Variants in VIRMA observed in about 807,000 individuals in gnomAD.
The protein encoded by VIRMA is protein virilizer homolog.
Under a neutral mutation model 182.4 loss-of-function variants are expected in VIRMA, and 65 were observed. That is an observed-to-expected ratio of 0.36 (90% confidence interval 0.29 to 0.44). The LOEUF (loss-of-function observed/expected upper bound fraction) is 0.44, where lower values mean the gene tolerates loss of function less well. Ranked by LOEUF, VIRMA falls within the 20% of genes least tolerant of loss-of-function variation. The probability of loss-of-function intolerance (pLI) is 1.00; values close to 1 mark genes in which losing one functional copy is unlikely to be tolerated. For missense variants in VIRMA, 1,752 were observed against 2,158.1 expected, an observed-to-expected ratio of 0.81 and a Z score of 3.73; for synonymous variants, 709 against 743.1, an observed-to-expected ratio of 0.95 and a Z score of 0.75.
chr8:94,513,060 G>C (rs1390210427), intron 11 of VIRMA, among the ~76,000 whole-genome samples: 2 of 152,218 alleles, frequency 1.3e-5, no homozygotes, highest in African/African-American at 4.8e-5. Context: ...ACTTGGGGCT[G>C]GGTGTGGTGG....
intron 1 of VIRMA, among the ~76,000 whole-genome samples, chr8:94,547,691 A>C (rs1815819579): frequency 6.6e-6 from 1 of 151,008 alleles, no homozygotes; most frequent in Non-Finnish European, 1.5e-5. Flanking sequence ...AATGTGTAAA[A>C]CAATTTAGCT....
In VIRMA at chr8:94,551,345, A is replaced by T. The variant is rs79883683; in HGVS notation, c.63+2040T>A. Among the ~76,000 whole-genome samples the T allele has an allele frequency of 6.6e-3, 1,002 of 152,346 alleles. 7 individuals carry two copies. The highest frequency in any genetic ancestry group is 0.023 in the African/African-American group (946 of 41,564). On this transcript the variant is annotated intron_variant, in intron 1 of 23. Coordinates refer to ENST00000297591, the MANE Select transcript of VIRMA (RefSeq NM_015496.5). ...CGTCAGATACTGATGGGCATTTTGTAAACTAAGATGATAAACCCCAACGAA... is the reference window on the plus strand; with the variant it reads ...CGTCAGATACTGATGGGCATTTTGTTAACTAAGATGATAAACCCCAACGAA...
In VIRMA at chr8:94,495,905, A is replaced by C. The variant is rs781483224; in HGVS notation, c.4384-14T>G. 1 of 1,608,502 alleles carries C rather than the reference A, an allele frequency of 6.2e-7. No individual in the cohort carries two copies. The highest frequency in any genetic ancestry group is 8.5e-7 in the Non-Finnish European group (1 of 1,177,868). On this transcript the variant is annotated splice_polypyrimidine_tract_variant and intron_variant, in intron 18 of 23. Transcript: ENST00000297591. ...TTTTGAATGTTCCTAGATACAAATA[A>C]AGGCAGAATAAGAAGGTGCAGGTAA...
intron 20 of VIRMA, among the ~76,000 whole-genome samples, chr8:94,494,405 C>A (rs1011753741): frequency 2.0e-4 from 30 of 151,856 alleles, no homozygotes; most frequent in African/African-American, 7.2e-4. Flanking sequence ...GCCTGACCAA[C>A]ATGGTAAAAC....
chr8:94,524,013 T>C (rs1450911219), intron 8 of VIRMA, among the ~76,000 whole-genome samples: 1 of 126,984 alleles, frequency 7.9e-6, no homozygotes, highest in Non-Finnish European at 1.7e-5. Context: ...TTATTTATTT[T>C]TTTGAGACGG....
chr8:94,494,895 A>G lies in VIRMA; in HGVS notation c.4606T>C (p.Phe1536Leu), dbSNP rs1277586035. 1.9e-5 allele frequency: 31 copies of G among 1,609,414 alleles called. No homozygotes were observed. The highest frequency in any genetic ancestry group is 2.6e-5 in the Non-Finnish European group (31 of 1,175,982). ...DQLKSMWFTP[F>L]QAEEIDTDLD... ...TCTGTATCTATCTCTTCAGCCTGAA[A>G]TGGAGTGAACCACATAGATTTCAAC... is the stretch of plus-strand genomic sequence containing the variant. The change falls in exon 20 of 24, where the codon TTT becomes CTT. Residue 1536 changes from phenylalanine to leucine, a missense_variant. Transcript: ENST00000297591.
Position 94,514,870 on chromosome 8 carries a change from T to G in VIRMA, c.2750A>C (p.Gln917Pro). 6.4e-7 allele frequency: 1 copy of G among 1,553,372 alleles called. No individual in the cohort carries two copies. The highest frequency in any genetic ancestry group is 8.8e-7 in the Non-Finnish European group (1 of 1,133,628). Residue 917 changes from glutamine to proline, a missense_variant and splice_region_variant, in exon 11 of 24, where the codon CAG (glutamine) becomes CCG (proline). By Grantham distance (76) the Gln-to-Pro change is moderately conservative (BLOSUM62 -1). This residue lies in a region of VIRMA where 777 missense variants were observed against 920.6 expected (regional missense o/e 0.84). Transcript: ENST00000297591. ...CIPNLIEYVK[Q>P]NIDNLMTPEG... Reference sequence around the variant, plus strand: ...AGCACTTTTAAGTTTTACACTTACCTGCTTAACATACTCAATTAAGTTTGG... The same window carrying G: ...AGCACTTTTAAGTTTTACACTTACCGGCTTAACATACTCAATTAAGTTTGG...
In VIRMA at chr8:94,499,356, A is replaced by T; in HGVS notation, c.4230+18T>A. On this transcript the variant is annotated intron_variant, in intron 17 of 23. Transcript: ENST00000297591. ...CATACATACATATATACACAAACAC[A>T]AACACACACATACTTACAATTGTGT... is the stretch of plus-strand genomic sequence containing the variant. The T allele has an allele frequency of 1.3e-6, 2 of 1,516,452 alleles. No individual in the cohort carries two copies. Among genetic ancestry groups the T allele is most frequent in the Non-Finnish European group, 1.8e-6 (2 of 1,125,646 alleles). 93.9% of individuals were successfully genotyped at this position (1,516,452 alleles called of 1,614,324 possible).
chr8:94,495,959 T>C, intron 18 of VIRMA, 68 bp from the exon 19 acceptor site: 1 of 1,400,736 alleles, frequency 7.1e-7, no homozygotes, highest in Non-Finnish European at 9.7e-7. Flanking sequence ...TACTGACTCT[T>C]TCGTAGAAAA....
rs778491580 is a variant in VIRMA, at chr8:94,534,908, G to T, written c.415C>A (p.Pro139Thr). 1 of 1,613,618 alleles carries T rather than the reference G, an allele frequency of 6.2e-7. No homozygotes were observed. The highest frequency in any genetic ancestry group is 8.5e-7 in the Non-Finnish European group (1 of 1,179,828). The change falls in exon 5 of 24, where the codon CCA (proline) becomes ACA (threonine). Residue 139 changes from proline (P) to threonine (T), a missense_variant. By Grantham distance (38) the Pro-to-Thr change is conservative. This residue lies in a region of VIRMA where 195 missense variants were observed against 191.7 expected (regional missense o/e 1.02). Transcript: ENST00000297591. The part of the protein sequence containing the change: ...DRVISHDRDS[P>T]PPPPPPPPPP... ...GGTGGCGGTGGAGGTGGTGGTGGTG[G>T]AGAGTCTCTGTCATGACTTATCACT...
At chr8:94,526,098 T>C in intron 8 of VIRMA, 125 bp downstream of exon 8, 1 of 707,116 alleles carries the variant, frequency 1.4e-6, no homozygotes, top group Non-Finnish European at 2.4e-6. Context: ...ATAACCGTTT[T>C]GAAATATCAA....
chr8:94,518,430 T>TA, intron 9 of VIRMA, among the ~76,000 whole-genome samples: 1 of 152,340 alleles, frequency 6.6e-6, no homozygotes, highest in Non-Finnish European at 1.5e-5. Context: ...CTCAAGGAGT[T>TA]ATACACCCAG....
intron 17 of VIRMA, chr8:94,497,043 T>C (rs377343633): frequency 1.3e-5 from 2 of 152,420 alleles, no homozygotes; most frequent in African/African-American, 4.8e-5. Context: ...TATTGTCACA[T>C]ACACTTATGG....
intron 3 of VIRMA, among the ~76,000 whole-genome samples, chr8:94,537,718 A>G (rs894326722): frequency 6.6e-6 from 1 of 152,136 alleles, no homozygotes; most frequent in African/African-American, 2.4e-5. Flanking sequence ...TTTTTATTTT[A>G]TGAGTTCTAA....
chr8:94,553,095 G>C (rs1001268011), intron 1 of VIRMA, among the ~76,000 whole-genome samples: 17 of 152,152 alleles, frequency 1.1e-4, no homozygotes, highest in African/African-American at 3.6e-4. Flanking sequence ...TGAGAACCCT[G>C]ATCCTTCTCA....
intron 1 of VIRMA, among the ~76,000 whole-genome samples, chr8:94,548,169 T>G (rs1815841612): frequency 6.6e-6 from 1 of 150,878 alleles, no homozygotes; most frequent in Non-Finnish European, 1.5e-5. Context: ...ACATACTCTT[T>G]TGTACCTTTT....
intron 2 of VIRMA, among the ~76,000 whole-genome samples, chr8:94,541,800 C>T (rs1815563835): frequency 6.6e-6 from 1 of 152,168 alleles, no homozygotes; most frequent in Admixed American, 6.5e-5. Flanking sequence ...CCTCAGCTTC[C>T]CATAGTGCTA....
chr8:94,509,663 G>T (rs776745622), intron 15 of VIRMA, 25 bp downstream of exon 15: 2 of 1,592,392 alleles, frequency 1.3e-6, no homozygotes, highest in Admixed American at 1.8e-5. Flanking sequence ...TGCAGAGAGA[G>T]ACTTTATAAA....
At chr8:94,510,959 C>T in intron 13 of VIRMA, 2 of 1,337,260 alleles carry the variant, frequency 1.5e-6, no homozygotes, top group South Asian at 3.4e-5. Context: ...TACAAACATA[C>T]ATAACAGCAA....
Sources: gnomAD v4.1 joint callset for allele counts (sites outside exome capture counted in the v4.1 genomes callset) on GRCh38, gnomAD v4.1.1 for gene constraint, gnomAD v4.1.1 regional missense constraint, MANE v1.5 for transcripts, NCBI Gene and HGNC (gene_info 2026-07-23, HGNC 2026-07-21) for gene names.